The following AGBL4 variants were observed in gnomAD, a reference collection of about 807,000 sequenced individuals.
AGBL4 encodes AGBL carboxypeptidase 4, also known as cytosolic carboxypeptidase 6.
In AGBL4, 58 loss-of-function variants were observed where a neutral mutation model predicts 66.4. The ratio of observed to expected loss-of-function variants is 0.87; its 90% CI spans 0.71 to 1.09. AGBL4 has a LOEUF of 1.09. Among genes scored for constraint, AGBL4 ranks in the 50% least tolerant of loss-of-function variants. The pLI, the probability that AGBL4 is intolerant of heterozygous loss-of-function variation, is 0.00. For missense variants in AGBL4, 579 were observed against 631.0 expected (o/e 0.92, Z 0.88); for synonymous variants, 234 against 222.9 (o/e 1.05, Z -0.44).
Position 49,492,608 on chromosome 1 carries a change from A to G in AGBL4, c.282+204705T>C, listed in dbSNP as rs189800490. ...TGGTCACTGTATTAATAGGACTATC[A>G]GATTTCAAGACCATATTTGTATGAG... On this transcript the variant is annotated intron_variant, in intron 3 of 13. Coordinates refer to ENST00000371839, the MANE Select transcript of AGBL4 (RefSeq NM_032785.4). Among the ~76,000 whole-genome samples, 4 of 152,072 alleles carry G rather than the reference A, an allele frequency of 2.6e-5. No individual in the cohort carries two copies. The East Asian group carries it at 7.8e-4, about 30-fold the overall frequency.
At chr1:49,949,676 A>C (rs1454755687) in intron 1 of AGBL4, among the ~76,000 whole-genome samples, 1 of 151,720 alleles carries the variant, frequency 6.6e-6, no homozygotes, top group African/African-American at 2.4e-5. Context: ...CTCCTGCATG[A>C]ATGGCCATAA....
chr1:49,410,140 T>C (rs1254603209), intron 3 of AGBL4, among the ~76,000 whole-genome samples: 2 of 152,242 alleles, frequency 1.3e-5, no homozygotes. Context: ...TAAGGATGTA[T>C]AATATGGGCC....
intron 6 of AGBL4, among the ~76,000 whole-genome samples, chr1:48,781,611 C>T (rs2148719047): frequency 6.6e-6 from 1 of 152,356 alleles, no homozygotes; most frequent in Non-Finnish European, 1.5e-5. Context: ...TTCAATATTT[C>T]TGCCAAATGG....
intron 1 of AGBL4, among the ~76,000 whole-genome samples, chr1:49,938,774 G>A (rs892867134): frequency 2.6e-5 from 4 of 152,098 alleles, no homozygotes; most frequent in African/African-American, 9.7e-5. Context: ...ATGCAGAAAA[G>A]ACCTTTAAGA....
chr1:49,620,449 A>G (rs1172727195), intron 3 of AGBL4, among the ~76,000 whole-genome samples: 1 of 152,202 alleles, frequency 6.6e-6, no homozygotes, highest in Non-Finnish European at 1.5e-5. Flanking sequence ...AATGGTGATC[A>G]TTAAAAAGTC....
At chr1:49,060,634 T>C (rs964397833) in intron 4 of AGBL4, among the ~76,000 whole-genome samples, 4 of 152,086 alleles carry the variant, frequency 2.6e-5, no homozygotes, top group Admixed American at 2.6e-4. Flanking sequence ...CAGCACAAAG[T>C]AGTTACAGAT....
chr1:50,010,842 T>G (rs2148436250), intron 1 of AGBL4, among the ~76,000 whole-genome samples: 1 of 152,250 alleles, frequency 6.6e-6, no homozygotes, highest in Non-Finnish European at 1.5e-5. Context: ...GACTTAAATC[T>G]AAGAAATCAA....
At chr1:49,752,370 T>C (rs1651542856) in intron 2 of AGBL4, among the ~76,000 whole-genome samples, 2 of 152,308 alleles carry the variant, frequency 1.3e-5, no homozygotes, top group South Asian at 4.1e-4. Context: ...TCAGTTTCCA[T>C]GTAGTTGTGC....
chr1:48,579,122 A>G (rs1182200968), intron 11 of AGBL4, among the ~76,000 whole-genome samples: 2 of 152,208 alleles, frequency 1.3e-5, no homozygotes, highest in Non-Finnish European at 2.9e-5. Context: ...TATACTCAAT[A>G]TATTACATAC....
At chr1:48,658,533 G>A (rs1275283251) in intron 7 of AGBL4, among the ~76,000 whole-genome samples, 2 of 152,160 alleles carry the variant, frequency 1.3e-5, no homozygotes, top group Non-Finnish European at 2.9e-5. Flanking sequence ...GTCTGGCCCT[G>A]ATGACCTTAA....
intron 6 of AGBL4, among the ~76,000 whole-genome samples, chr1:48,842,980 G>C (rs1479340637): frequency 6.6e-6 from 1 of 152,086 alleles, no homozygotes; most frequent in Non-Finnish European, 1.5e-5. Context: ...CAAATTCATA[G>C]ACACAGAAAG....
intron 3 of AGBL4, among the ~76,000 whole-genome samples, chr1:49,682,194 T>C (rs2124564159): frequency 6.6e-6 from 1 of 152,140 alleles, no homozygotes; most frequent in South Asian, 2.1e-4. Context: ...GATCACAAGG[T>C]CAAGAGATCG....
intron 5 of AGBL4, among the ~76,000 whole-genome samples, chr1:48,923,434 G>A (rs576472614): frequency 3.0e-4 from 46 of 152,316 alleles, no homozygotes; most frequent in Non-Finnish European, 5.4e-4. Context: ...GAAGTCAAAA[G>A]GAAAGCCTGG....
intron 5 of AGBL4, among the ~76,000 whole-genome samples, chr1:49,008,437 A>G (rs1662051426): frequency 1.3e-5 from 2 of 150,378 alleles, no homozygotes. Context: ...GGGAGACTTT[A>G]ACACCCCACT....
At chr1:49,854,426 C>T (rs1646383165) in intron 1 of AGBL4, among the ~76,000 whole-genome samples, 1 of 152,140 alleles carries the variant, frequency 6.6e-6, no homozygotes, top group African/African-American at 2.4e-5. Context: ...ACATTCCCAT[C>T]ACAGATGCCT....
intron 3 of AGBL4, among the ~76,000 whole-genome samples, chr1:49,250,842 T>C (rs1652001212): frequency 1.3e-5 from 2 of 152,044 alleles, no homozygotes; most frequent in African/African-American, 4.8e-5. Flanking sequence ...TTGACCACCA[T>C]GGACAATTGA....
At chr1:49,466,761 C>T (rs940833825) in intron 3 of AGBL4, among the ~76,000 whole-genome samples, 4 of 151,712 alleles carry the variant, frequency 2.6e-5, no homozygotes, top group Admixed American at 2.0e-4. Flanking sequence ...AAACTGGGTT[C>T]GTATCCTCAT....
At chr1:49,809,089 A>G (rs904306098) in intron 2 of AGBL4, among the ~76,000 whole-genome samples, 2 of 152,162 alleles carry the variant, frequency 1.3e-5, no homozygotes, top group African/African-American at 4.8e-5. Context: ...ATACTATTAA[A>G]TATTACATTT....
chr1:49,939,423 G>A (rs1354771516), intron 1 of AGBL4, among the ~76,000 whole-genome samples: 2 of 152,090 alleles, frequency 1.3e-5, no homozygotes, highest in South Asian at 2.1e-4. Context: ...GAACAAAGCT[G>A]GAGGCATCAC....
Sources: gnomAD v4.1 joint callset for allele counts (sites outside exome capture counted in the v4.1 genomes callset) on GRCh38, gnomAD v4.1.1 for gene constraint, MANE v1.5 for transcripts, NCBI Gene and HGNC (gene_info 2026-07-23, HGNC 2026-07-21) for gene names.